DCHS2: variants seen among roughly 807,000 people sequenced by gnomAD.
The protein encoded by DCHS2 is protocadherin-23.
Under a neutral mutation model 182.4 loss-of-function variants are expected in DCHS2, and 142 were observed. The observed-to-expected ratio is 0.78, with a 90% CI of 0.68 to 0.89. DCHS2 has a LOEUF of 0.89. Ranked by LOEUF, DCHS2 falls within the 40% of genes least tolerant of loss-of-function variation. The pLI is 0.00. For missense variants in DCHS2, 4,319 were observed against 4,198.6 expected (o/e 1.03, Z -0.79); for synonymous variants, 1,740 against 1,663.3 (o/e 1.05, Z -1.12).
chr4:154,333,590 A>AG, intron 4 of DCHS2, 96 bp from the exon 5 acceptor site: 2 of 1,156,108 alleles, frequency 1.7e-6, no homozygotes, highest in South Asian at 3.2e-5. Context: ...CCACTGCCTA[A>AG]TGACACTTCA....
At chr4:154,465,779 G>T (rs1456721404) in intron 1 of DCHS2, among the ~76,000 whole-genome samples, 1 of 152,218 alleles carries the variant, frequency 6.6e-6, no homozygotes, top group Middle Eastern at 3.4e-3. Flanking sequence ...GATTGATGTC[G>T]TTGGGGGCTA....
At chr4:154,431,134 C>T (rs1455386637) in intron 1 of DCHS2, among the ~76,000 whole-genome samples, 2 of 152,160 alleles carry the variant, frequency 1.3e-5, no homozygotes, top group Non-Finnish European at 2.9e-5. Flanking sequence ...GATTGCATTG[C>T]ATCTAAAGAT....
intron 1 of DCHS2, among the ~76,000 whole-genome samples, chr4:154,475,105 CATTA>C (rs902713406): frequency 2.6e-5 from 4 of 152,086 alleles, no homozygotes; most frequent in African/African-American, 9.7e-5. Flanking sequence ...CTAATTGCCA[CATTA>C]ATTAATTTTC....
chr4:154,239,469 A>G (rs1397304331), intron 18 of DCHS2, among the ~76,000 whole-genome samples, 167 bp from the exon 19 acceptor site: 10 of 152,186 alleles, frequency 6.6e-5, no homozygotes, highest in African/African-American at 1.7e-4. Flanking sequence ...TATTAAAAAG[A>G]TTGTGTGAAT....
intron 1 of DCHS2, among the ~76,000 whole-genome samples, chr4:154,383,888 A>G (rs908073491): frequency 5.4e-5 from 8 of 147,532 alleles, no homozygotes; most frequent in Non-Finnish European, 7.4e-5. Flanking sequence ...GTTCTAGTGG[A>G]AAAAAAAATA....
intron 1 of DCHS2, among the ~76,000 whole-genome samples, chr4:154,488,523 A>G (rs1041307500): frequency 2.0e-5 from 3 of 152,224 alleles, no homozygotes; most frequent in Admixed American, 2.0e-4. Flanking sequence ...GTGTCAGTGT[A>G]TAAAGATATA....
chr4:154,344,628 G>T (rs1729272533), intron 3 of DCHS2, among the ~76,000 whole-genome samples: 1 of 152,192 alleles, frequency 6.6e-6, no homozygotes, highest in Non-Finnish European at 1.5e-5. Flanking sequence ...CCAAGAACCT[G>T]CAACCTTCTC....
intron 1 of DCHS2, among the ~76,000 whole-genome samples, chr4:154,487,250 A>G (rs912674468): frequency 9.2e-5 from 14 of 152,204 alleles, no homozygotes; most frequent in African/African-American, 2.9e-4. Flanking sequence ...AGAAACTATC[A>G]GTGGGCACTG....
At position 154,490,663 on chromosome 4, in the gene DCHS2, T is replaced by C. The variant is rs1181424473; in HGVS notation, c.693A>G (p.Leu231=). Residue 231 remains leucine, a synonymous_variant, in exon 1 of 20, where the codon CTA becomes CTG. Coordinates refer to ENST00000357232, the MANE Select transcript of DCHS2 (RefSeq NM_001358235.2). ...FQLRYRTPGP[L]PSPLLPGSSS... ...AGGAGCCTGGCAAAAGCGGTGACGGTAGTGGCCCCGGAGTCCGGTAGCGCA... is the reference window on the plus strand; with the variant it reads ...AGGAGCCTGGCAAAAGCGGTGACGGCAGTGGCCCCGGAGTCCGGTAGCGCA... 1.3e-6 allele frequency: 2 copies of C among 1,551,316 alleles called. No homozygotes were observed. Among genetic ancestry groups the C allele is most frequent in the East Asian group, 4.9e-5 (2 of 40,902 alleles).
rs748810414 is a variant in DCHS2, at chr4:154,235,298, G to A, written c.9354C>T (p.Cys3118=). ...QRINEHPYRK[C]SDSALSDHES... ...CGTGGTCACTCAGAGCTGAGTCTGA[G>A]CACTTTCTGTAGGGATGCTCATTTA... The change falls in exon 20 of 20, where the codon TGC becomes TGT. Residue 3118 remains cysteine (C), a synonymous_variant. Transcript: ENST00000357232. The A allele has an allele frequency of 2.5e-6, 4 of 1,614,054 alleles. No homozygotes were observed. Among genetic ancestry groups the A allele is most frequent in the Admixed American group, 3.3e-5 (2 of 60,004 alleles).
rs764337483 is a variant in DCHS2, at chr4:154,255,562, T to C, written c.6898A>G (p.Thr2300Ala). The C allele has an allele frequency of 6.2e-7, 1 of 1,613,942 alleles. No individual in the cohort carries two copies. The highest frequency in any genetic ancestry group is 8.5e-7 in the Non-Finnish European group (1 of 1,179,904). ...TCGTAATCTAGAATCGCTTTTGTTG[T>C]TATCACACCACTCAGTGCATCAATC... is the stretch of plus-strand genomic sequence containing the variant. ...FQIDALSGVI[T>A]TKAILDYELT... Residue 2300 changes from threonine (T) to alanine (A), a missense_variant, in exon 16 of 20, where the codon ACA becomes GCA. Thr to Ala is a moderately conservative substitution (Grantham distance 58). Coordinates refer to ENST00000357232, the MANE Select transcript of DCHS2 (RefSeq NM_001358235.2).
At chr4:154,379,077 T>C (rs568122681) in intron 1 of DCHS2, among the ~76,000 whole-genome samples, 2 of 152,162 alleles carry the variant, frequency 1.3e-5, no homozygotes, top group South Asian at 4.1e-4. Context: ...TGATGACAAT[T>C]GGAAATAAAA....
Position 154,331,828 on chromosome 4 carries a change from T to G in DCHS2, c.3730+650A>C, listed in dbSNP as rs912499929. On this transcript the variant is annotated intron_variant, in intron 5 of 19. Transcript: ENST00000357232. ...TATGTATTTGCAGTATAGATATGTTTCATTGTAAGGATTAAATAAACTCCC... is the reference window on the plus strand; with the variant it reads ...TATGTATTTGCAGTATAGATATGTTGCATTGTAAGGATTAAATAAACTCCC... The G allele has an allele frequency of 7.0e-6, 8 of 1,135,424 alleles. No individual in the cohort carries two copies. The Admixed American group carries it at 9.6e-5, about 14-fold the overall frequency. 70.3% of individuals were successfully genotyped at this position (1,135,424 alleles called of 1,614,324 possible).
At chr4:154,270,520 G>A (rs757301821) in intron 13 of DCHS2, among the ~76,000 whole-genome samples, 1 of 151,854 alleles carries the variant, frequency 6.6e-6, no homozygotes, top group Non-Finnish European at 1.5e-5. Context: ...AGAAGAAGAA[G>A]GTGGAGATGG....
In DCHS2 at chr4:154,491,121, G is replaced by C; in HGVS notation, c.235C>G (p.Pro79Ala). The C allele has an allele frequency of 6.4e-7, 1 of 1,551,502 alleles. No individual in the cohort carries two copies. Among genetic ancestry groups the C allele is most frequent in the East Asian group, 2.4e-5 (1 of 40,892 alleles). The change falls in exon 1 of 20, where the codon CCG (proline) becomes GCG (alanine). Residue 79 changes from proline to alanine, a missense_variant. Transcript: ENST00000357232. Reference protein sequence around the residue: ...LTLSVDEGLPPDTLVGDIRAG... With the variant: ...LTLSVDEGLPADTLVGDIRAG... Reference sequence around the variant, plus strand: ...CGGATGTCACCTACCAGCGTGTCCGGGGGAAGCCCCTCATCTACGGAAAGG... The same window carrying C: ...CGGATGTCACCTACCAGCGTGTCCGCGGGAAGCCCCTCATCTACGGAAAGG...
chr4:154,349,058 G>A (rs752096634), intron 3 of DCHS2, among the ~76,000 whole-genome samples: 1 of 151,972 alleles, frequency 6.6e-6, no homozygotes, highest in African/African-American at 2.4e-5. Context: ...GGCAGTTAAT[G>A]CTCAATAAAT....
intron 3 of DCHS2, among the ~76,000 whole-genome samples, chr4:154,361,191 G>A (rs1354725460): frequency 4.6e-5 from 7 of 152,144 alleles, no homozygotes; most frequent in Non-Finnish European, 8.8e-5. Flanking sequence ...AGTTTGGGAT[G>A]AAAATAAATG....
intron 1 of DCHS2, among the ~76,000 whole-genome samples, chr4:154,464,830 C>T (rs770405442): frequency 4.6e-5 from 7 of 152,140 alleles, no homozygotes; most frequent in Non-Finnish European, 7.3e-5. Context: ...TCACTTTTGG[C>T]TGTGATCCCT....
chr4:154,465,745 C>A lies in DCHS2; in HGVS notation c.2052+23559G>T, dbSNP rs186065635. Among the ~76,000 whole-genome samples the A allele has an allele frequency of 5.4e-4, 82 of 152,132 alleles. 1 individual carries two copies. In the Middle Eastern group the frequency reaches 0.014, roughly 25 times the overall value. ...AAGTGAGTTACTAAGTCCAGTTCAC[C>A]CTCAATAAAGGACAATACACAAGGA... On this transcript the variant is annotated intron_variant, in intron 1 of 19. Coordinates refer to ENST00000357232, the MANE Select transcript of DCHS2 (RefSeq NM_001358235.2).
Sources: gnomAD v4.1 joint callset for allele counts (sites outside exome capture counted in the v4.1 genomes callset) on GRCh38, gnomAD v4.1.1 for gene constraint, MANE v1.5 for transcripts, NCBI Gene and HGNC (gene_info 2026-07-23, HGNC 2026-07-21) for gene names.